The following SLC9A7 variants were observed in gnomAD, a reference collection of about 807,000 sequenced individuals.
SLC9A7 encodes sodium/hydrogen exchanger 7.
Under a neutral mutation model 52.6 loss-of-function variants are expected in SLC9A7, and 19 were observed. That is an observed-to-expected ratio of 0.36 (90% CI 0.25 to 0.53). SLC9A7 has a LOEUF of 0.53. SLC9A7 is among the 20% of genes least tolerant of loss of function. The probability of loss-of-function intolerance (pLI) is 0.91; values close to 1 mark genes in which losing one functional copy is unlikely to be tolerated. For missense variants in SLC9A7, 455 were observed against 597.9 expected, an observed-to-expected ratio of 0.76 and a Z score of 2.49; for synonymous variants, 226 against 252.1, an observed-to-expected ratio of 0.90 and a Z score of 0.98.
chrX:46,756,544 T>C (rs1318338876), intron 1 of SLC9A7, among the ~76,000 whole-genome samples: 1 of 111,961 alleles, frequency 8.9e-6, no homozygotes, highest in East Asian at 2.8e-4. Context: ...GCTAATCACA[T>C]GACATTAGAA....
In SLC9A7 at chrX:46,624,919, C is replaced by T. The variant is rs150529495; in HGVS notation, c.1741-3860G>A. Among the ~76,000 whole-genome samples, 357 of 112,141 alleles carry T rather than the reference C, an allele frequency of 3.2e-3. 2 individuals carry two copies. Among genetic ancestry groups the T allele is most frequent in the African/African-American group, 0.011 (344 of 30,841 alleles). On this transcript the variant is annotated intron_variant, in intron 14 of 16. Coordinates refer to ENST00000616978, the MANE Select transcript of SLC9A7 (RefSeq NM_001257291.2). ...CATTAAGCACCTACTATGTGCCAGG[C>T]ACCATGCTGGGTGCTGGAAACACAA...
Position 46,600,248 on chromosome X carries a change from T to C in SLC9A7, c.*6704A>G, listed in dbSNP as rs1285621949. The C allele has an allele frequency of 8.9e-6, 1 of 112,374 alleles. No individual in the cohort carries two copies. The highest frequency in any genetic ancestry group is 1.9e-5 in the Non-Finnish European group (1 of 53,342). The allele number at this position is 112,374 out of a possible 1,213,427, so 9.3% of individuals were successfully genotyped here. A position where few individuals can be genotyped will look rare whatever the true frequency, so the allele number is the denominator to read the frequency against. ...CACCTGAATTGTAGCCTTTTTTAAG[T>C]GCTTGAGACAGCAGATGTTGAGGTT... On this transcript the variant is annotated 3_prime_UTR_variant, in exon 17 of 17. Coordinates refer to ENST00000616978, the MANE Select transcript of SLC9A7 (RefSeq NM_001257291.2).
intron 1 of SLC9A7, among the ~76,000 whole-genome samples, chrX:46,740,112 A>G (rs771019338): frequency 7.1e-5 from 8 of 112,275 alleles, no homozygotes; most frequent in African/African-American, 2.6e-4. Context: ...ATAAACATAC[A>G]GACACACACA....
At chrX:46,743,337 C>T (rs1569525867) in intron 1 of SLC9A7, among the ~76,000 whole-genome samples, 1 of 112,044 alleles carries the variant, frequency 8.9e-6, no homozygotes, top group Non-Finnish European at 1.9e-5. Flanking sequence ...TCTGCTGTAC[C>T]AGCCAGGCTA....
At chrX:46,657,198 G>C (rs1404286347) in intron 7 of SLC9A7, among the ~76,000 whole-genome samples, 2 of 110,500 alleles carry the variant, frequency 1.8e-5, no homozygotes, top group African/African-American at 6.6e-5. Flanking sequence ...CATCAGGCCT[G>C]CCCTAAAAGA....
Position 46,606,506 on chromosome X carries a change from G to A in SLC9A7, c.*446C>T. ...TAACACCAAGTTTCCCATAATCCTT[G>A]GAGTTCCGATCTCAATTGCCTTCCT... On this transcript the variant is annotated 3_prime_UTR_variant, in exon 17 of 17. Transcript: ENST00000616978. 3 of 762,981 alleles carry A rather than the reference G, an allele frequency of 3.9e-6. No individual in the cohort carries two copies. Among genetic ancestry groups the A allele is most frequent in the Non-Finnish European group, 4.7e-6 (3 of 644,834 alleles). The allele number at this position is 762,981 out of a possible 1,213,427, so 62.9% of individuals were successfully genotyped here. A position where few individuals can be genotyped will look rare whatever the true frequency, so the allele number is the denominator to read the frequency against.
intron 16 of SLC9A7, among the ~76,000 whole-genome samples, chrX:46,612,318 C>T (rs1942864135): frequency 9.0e-6 from 1 of 111,486 alleles, no homozygotes; most frequent in African/African-American, 3.3e-5. Flanking sequence ...GGCCTCTGAC[C>T]TCTCCTCTAC....
chrX:46,599,458 A>C lies in SLC9A7; in HGVS notation c.*7494T>G, dbSNP rs1022407415. On this transcript the variant is annotated 3_prime_UTR_variant, in exon 17 of 17. Coordinates refer to ENST00000616978, the MANE Select transcript of SLC9A7 (RefSeq NM_001257291.2). ...AGATGATACTTTACTTTAAAATACA[A>C]AACAAAATTAGCTCAGCCAGTTAGT... 2 of 111,928 alleles carry C rather than the reference A, an allele frequency of 1.8e-5. No individual in the cohort carries two copies. The highest frequency in any genetic ancestry group is 6.5e-5 in the African/African-American group (2 of 30,644). 9.2% of individuals were successfully genotyped at this position (111,928 alleles called of 1,213,427 possible).
At chrX:46,692,241 T>A (rs1475527552) in intron 1 of SLC9A7, among the ~76,000 whole-genome samples, 1 of 111,626 alleles carries the variant, frequency 9.0e-6, no homozygotes, top group Non-Finnish European at 1.9e-5. Context: ...ACTGATTTTA[T>A]TGCTCAATTT....
intron 1 of SLC9A7, among the ~76,000 whole-genome samples, chrX:46,718,741 A>G (rs1370514079): frequency 8.9e-6 from 1 of 112,297 alleles, no homozygotes; most frequent in Non-Finnish European, 1.9e-5. Flanking sequence ...TCAAAACCAC[A>G]ATGAGATACC....
chrX:46,728,620 A>G (rs1325380970), intron 1 of SLC9A7, among the ~76,000 whole-genome samples: 1 of 112,425 alleles, frequency 8.9e-6, no homozygotes, highest in Non-Finnish European at 1.9e-5. Flanking sequence ...CCATGCAGCC[A>G]AGGAATCTCA....
chrX:46,647,001 C>G (rs769728674), intron 11 of SLC9A7: 20 of 334,481 alleles, frequency 6.0e-5, no homozygotes, highest in Non-Finnish European at 1.1e-4. Context: ...AGGAGCGCCT[C>G]CAGATCTTTA....
At chrX:46,733,818 GA>G (rs199869728) in intron 1 of SLC9A7, among the ~76,000 whole-genome samples, 1 of 106,088 alleles carries the variant, frequency 9.4e-6, no homozygotes, top group African/African-American at 3.4e-5. Context: ...GGAGGGCAGT[GA>G]AAAAAAAACA....
Position 46,645,483 on chromosome X carries a change from C to T in SLC9A7, c.1463-2094G>A, listed in dbSNP as rs968762426. The stretch of plus-strand genomic sequence containing the variant: ...ATGTTAGAAGAGCCCACTCCATATC[C>T]CCAGAATCAGACAGTGAGGCCCAGC... On this transcript the variant is annotated intron_variant, in intron 11 of 16. Coordinates refer to ENST00000616978, the MANE Select transcript of SLC9A7 (RefSeq NM_001257291.2). Among the ~76,000 whole-genome samples the T allele has an allele frequency of 4.5e-5, 5 of 111,596 alleles. 1 individual carries two copies. The Admixed American group carries it at 4.8e-4, about 11-fold the overall frequency.
chrX:46,629,304 C>A (rs1362849934), intron 14 of SLC9A7, among the ~76,000 whole-genome samples: 1 of 112,039 alleles, frequency 8.9e-6, no homozygotes, highest in African/African-American at 3.2e-5. Context: ...CCAGGCCCAT[C>A]CAGGGAGGTT....
intron 3 of SLC9A7, among the ~76,000 whole-genome samples, chrX:46,674,258 A>G (rs954601621): frequency 2.7e-5 from 3 of 112,141 alleles, no homozygotes; most frequent in Non-Finnish European, 3.8e-5. Flanking sequence ...AAGCAAAAAA[A>G]TTAGGAATGT....
At chrX:46,683,557 C>T (rs1386491873) in intron 1 of SLC9A7, among the ~76,000 whole-genome samples, 1 of 111,168 alleles carries the variant, frequency 9.0e-6, no homozygotes, top group Non-Finnish European at 1.9e-5. Context: ...TCATACCCTT[C>T]TTAGTAGGGC....
intron 1 of SLC9A7, among the ~76,000 whole-genome samples, chrX:46,740,453 CT>C (rs1437568440): frequency 1.8e-5 from 2 of 111,429 alleles, no homozygotes; most frequent in African/African-American, 6.5e-5. Flanking sequence ...ATGACATAAT[CT>C]TATATTTAGA....
chrX:46,656,755 C>G (rs1338937187), intron 7 of SLC9A7, among the ~76,000 whole-genome samples: 3 of 111,245 alleles, frequency 2.7e-5, no homozygotes, highest in African/African-American at 6.5e-5. Context: ...ATTGGTGTAC[C>G]TGAAAGTGAC....
Sources: allele counts gnomAD v4.1 joint callset (sites outside exome capture counted in the v4.1 genomes callset), GRCh38; gene constraint gnomAD v4.1.1; transcripts MANE v1.5; gene names NCBI Gene and HGNC (gene_info 2026-07-23, HGNC 2026-07-21).